TRIM39: variants seen among roughly 807,000 people sequenced by gnomAD.
TRIM39 encodes tripartite motif containing 39, also known as E3 ubiquitin-protein ligase TRIM39.
TRIM39 carries 5 observed loss-of-function variants against 53.6 expected under a neutral mutation model. That is an observed-to-expected ratio of 0.09 (90% CI 0.05 to 0.20). TRIM39 has a LOEUF of 0.20. Ranked by LOEUF, TRIM39 falls within the 10% of genes least tolerant of loss-of-function variation. The pLI is 1.00. For synonymous variants in TRIM39, 196 were observed against 237.6 expected, an observed-to-expected ratio of 0.82 and a Z score of 1.61; for missense variants, 310 against 621.0, an observed-to-expected ratio of 0.50 and a Z score of 5.32.
In TRIM39 at chr6:30,335,694, T is replaced by G; in HGVS notation, c.550-51T>G. On this transcript the variant is annotated intron_variant, in intron 4 of 7. Coordinates refer to ENST00000396551, the Ensembl canonical transcript of TRIM39. This position sits in a 1 kb window ranked among gnomAD's most constrained non-coding sequence, Gnocchi z 4.7. ...ACATATGGTGGGTGAGAGAAAGGCT[T>G]CCTTATACCACACTGACCCTGCTGA... The G allele has an allele frequency of 1.3e-6, 2 of 1,577,694 alleles. No homozygotes were observed. Among genetic ancestry groups the G allele is most frequent in the Non-Finnish European group, 1.7e-6 (2 of 1,163,038 alleles).
chr6:30,329,432 C>T, exon 3 of TRIM39: 1 of 1,613,042 alleles, frequency 6.2e-7, no homozygotes, highest in Non-Finnish European at 8.5e-7. Flanking sequence ...TCTGAAGGAA[C>T]CTGTCATCAT....
chr6:30,340,738 C>A, intron 7 of TRIM39, 118 bp downstream of exon 7: 1 of 1,061,188 alleles, frequency 9.4e-7, no homozygotes. Context: ...CCACACACAC[C>A]TACCCCTTTA....
At position 30,340,223 on chromosome 6, in the gene TRIM39, A is replaced by G. The variant is rs115040684; in HGVS notation, c.804-282A>G. On this transcript the variant is annotated intron_variant, in intron 6 of 7. Coordinates refer to ENST00000396551, the Ensembl canonical transcript of TRIM39. ...GTGTCCAAACAAGATGGCAGGAGGA[A>G]GGGGTTGGGAGAGCAGGGAGGGCAA... is the stretch of plus-strand genomic sequence containing the variant. 3.9e-3 allele frequency: 5,885 copies of G among 1,498,240 alleles called. 25 individuals are homozygous for G. Among genetic ancestry groups the G allele is most frequent in the Middle Eastern group, 0.014 (81 of 5,788 alleles). The allele number at this position is 1,498,240 out of a possible 1,614,324, so 92.8% of individuals were successfully genotyped here. A position where few individuals can be genotyped will look rare whatever the true frequency, so the allele number is the denominator to read the frequency against.
At position 30,331,876 on chromosome 6, in the gene TRIM39, T is replaced by A. The variant is rs185159976; in HGVS notation, c.549+1000T>A. ...TCTTCCATTGAACAGTGAACAATTATCATTTGTAGCAAAAATAACTAGAAT... is the reference window on the plus strand; with the variant it reads ...TCTTCCATTGAACAGTGAACAATTAACATTTGTAGCAAAAATAACTAGAAT... On this transcript the variant is annotated intron_variant, in intron 4 of 7. Transcript: ENST00000396551. Among the ~76,000 whole-genome samples the A allele has an allele frequency of 1.5e-3, 226 of 152,322 alleles. No homozygotes were observed. In the Middle Eastern group the frequency reaches 0.017, roughly 11 times the overall value.
At chr6:30,326,592 G>C (rs1311331615) in exon 1 of TRIM39, 1 of 152,534 alleles carries the variant, frequency 6.6e-6, no homozygotes, top group Non-Finnish European at 1.5e-5. Flanking sequence ...CTGGAGCCTG[G>C]ACTAGACAGC....
chr6:30,326,954 G>C (rs1785394388), exon 1 of TRIM39: 1 of 152,150 alleles, frequency 6.6e-6, no homozygotes, highest in Non-Finnish European at 1.5e-5. Flanking sequence ...GCAGCGCTCC[G>C]GCGGCTCCGC....
chr6:30,341,207 C>CA (rs113344801), intron 7 of TRIM39, among the ~76,000 whole-genome samples: 166 of 72,294 alleles, frequency 2.3e-3, no homozygotes, highest in Admixed American at 2.4e-3. Context: ...GATTCCATCT[C>CA]AAAAAAAAAA....
At chr6:30,334,519 G>A (rs776898871) in intron 4 of TRIM39, among the ~76,000 whole-genome samples, 22 of 152,168 alleles carry the variant, frequency 1.4e-4, no homozygotes, top group Middle Eastern at 3.2e-3. Flanking sequence ...TGTTCCTGGG[G>A]TAGGAATTGC....
At chr6:30,330,323 T>C (rs569197680) in intron 3 of TRIM39, among the ~76,000 whole-genome samples, 2 of 152,382 alleles carry the variant, frequency 1.3e-5, no homozygotes, top group African/African-American at 4.8e-5. Context: ...CATTTTATCA[T>C]ATACTTTGCT....
At chr6:30,329,134 G>A in intron 2 of TRIM39, 93 bp downstream of exon 2, 2 of 748,992 alleles carry the variant, frequency 2.7e-6, no homozygotes, top group Non-Finnish European at 4.1e-6. Flanking sequence ...TTTTGAAAAT[G>A]GAGAAACAAA....
chr6:30,340,160 G>A lies in TRIM39; in HGVS notation c.803+230G>A. On this transcript the variant is annotated intron_variant, in intron 6 of 7. Transcript: ENST00000396551. ...GACTTCTTGAGAAGGAGAATGATAA[G>A]GTAGAATCAGATTCTACTTGTGCCA... is the stretch of plus-strand genomic sequence containing the variant. The A allele has an allele frequency of 3.7e-6, 4 of 1,089,126 alleles. No homozygotes were observed. The Admixed American group carries it at 7.5e-5, about 20-fold the overall frequency. 67.5% of individuals were successfully genotyped at this position (1,089,126 alleles called of 1,614,324 possible).
At chr6:30,341,676 C>A in intron 7 of TRIM39, 36 bp from the exon 8 acceptor site, 2 of 1,583,196 alleles carry the variant, frequency 1.3e-6, no homozygotes, top group Non-Finnish European at 8.6e-7. Context: ...CTATTCCCAT[C>A]CTCATCTAGC....
At chr6:30,333,171 C>T (rs1449644379) in intron 4 of TRIM39, among the ~76,000 whole-genome samples, 2 of 152,008 alleles carry the variant, frequency 1.3e-5, no homozygotes, top group African/African-American at 4.8e-5. Context: ...TAGCTTAGCT[C>T]TTGGTGATAT....
intron 2 of TRIM39, 80 bp from the exon 3 acceptor site, chr6:30,329,231 G>C: frequency 6.9e-7 from 1 of 1,451,142 alleles, no homozygotes; most frequent in Non-Finnish European, 9.2e-7. Context: ...TAAATGTCGG[G>C]TCAGGGATGC....
At chr6:30,327,253 G>A (rs763669177) in intron 1 of TRIM39, 1 of 152,670 alleles carries the variant, frequency 6.6e-6, no homozygotes, top group Admixed American at 6.5e-5. Context: ...CAGTCACCGC[G>A]GGTCTCGGCA....
exon 7 of TRIM39, chr6:30,340,514 G>T (rs751798210): frequency 6.8e-6 from 11 of 1,612,986 alleles, no homozygotes; most frequent in Non-Finnish European, 8.5e-6. Context: ...GATGTGAAAA[G>T]GTGAAGACCA....
At chr6:30,340,163 A>T (rs1407941946) in intron 6 of TRIM39, 6 of 1,090,320 alleles carry the variant, frequency 5.5e-6, no homozygotes, top group Non-Finnish European at 8.4e-6. Flanking sequence ...ATGATAAGGT[A>T]GAATCAGATT....
chr6:30,342,584 G>C lies in TRIM39; in HGVS notation c.*325G>C, dbSNP rs1369988768. 1.2e-4 allele frequency: 54 copies of C among 456,398 alleles called. 1 individual carries two copies. The Admixed American group carries it at 2.0e-3, about 17-fold the overall frequency. The allele number at this position is 456,398 out of a possible 1,614,324, so 28.3% of individuals were successfully genotyped here. On this transcript the variant is annotated 3_prime_UTR_variant, in exon 8 of 8. Transcript: ENST00000396551. The surrounding 1 kb of genome is among the most constrained non-coding windows in gnomAD (Gnocchi z 4.7). ...GCTTTTCCAGAAACAAAAAATCTGT[G>C]AGGGTCTGACTTGCTCAAACCAGAG...
At chr6:30,340,022 A>G in intron 6 of TRIM39, 92 bp downstream of exon 6, 2 of 1,590,906 alleles carry the variant, frequency 1.3e-6, no homozygotes, top group Middle Eastern at 1.7e-4. Flanking sequence ...TGAGGTTGGG[A>G]AAGTCATGTA....
Sources: gnomAD v4.1 joint callset for allele counts (sites outside exome capture counted in the v4.1 genomes callset) on GRCh38, gnomAD v4.1.1 for gene constraint, Gnocchi (gnomAD v3.1) non-coding constraint, MANE v1.5 for transcripts, NCBI Gene and HGNC (gene_info 2026-07-23, HGNC 2026-07-21) for gene names.